Variants in ITGA8 observed in about 807,000 individuals in gnomAD.
ITGA8 encodes the protein integrin alpha-8.
ITGA8 carries 91 observed loss-of-function variants against 142.3 expected under a neutral mutation model. The observed-to-expected ratio is 0.64, with a 90% CI of 0.54 to 0.76. The LOEUF (loss-of-function observed/expected upper bound fraction) is 0.76, where lower values mean the gene tolerates loss of function less well. ITGA8 is among the 30% of genes least tolerant of loss of function. The pLI, the probability that ITGA8 is intolerant of heterozygous loss-of-function variation, is 0.00. For missense variants in ITGA8, 1,406 were observed against 1,327.7 expected (o/e 1.06, Z -0.92); for synonymous variants, 505 against 485.2 (o/e 1.04, Z -0.54).
At chr10:15,561,234 T>TAC (rs57728246) in intron 25 of ITGA8, among the ~76,000 whole-genome samples, 37 of 87,782 alleles carry the variant, frequency 4.2e-4, no homozygotes, top group African/African-American at 1.2e-3. Context: ...TATATATATA[T>TAC]GTATATATAT....
intron 13 of ITGA8, among the ~76,000 whole-genome samples, chr10:15,638,240 G>T (rs889591232): frequency 1.3e-5 from 2 of 152,104 alleles, no homozygotes; most frequent in African/African-American, 2.4e-5. Context: ...GGTTATTTGA[G>T]GTGCCGTGTT....
intron 13 of ITGA8, among the ~76,000 whole-genome samples, chr10:15,623,753 T>C (rs907764172): frequency 6.6e-6 from 1 of 152,146 alleles, no homozygotes; most frequent in Non-Finnish European, 1.5e-5. Context: ...TCATCCTTTT[T>C]AGTAAGCAGA....
chr10:15,697,385 C>T (rs923037494), intron 2 of ITGA8, among the ~76,000 whole-genome samples: 8 of 152,280 alleles, frequency 5.3e-5, no homozygotes, highest in Non-Finnish European at 8.8e-5. Context: ...ACAAACATTA[C>T]GGCACGTTTT....
In ITGA8 at chr10:15,517,091, T is replaced by G. The variant is rs1832975799; in HGVS notation, c.*67A>C. On this transcript the variant is annotated 3_prime_UTR_variant, in exon 30 of 30. Transcript: ENST00000378076. The stretch of plus-strand genomic sequence containing the variant: ...ATCAGAAAGCTTTGATTTTTAACCC[T>G]CATGTTCTTTCTTTTTCTTTGAACA... 2 of 1,199,858 alleles carry G rather than the reference T, an allele frequency of 1.7e-6. No individual in the cohort carries two copies. Among genetic ancestry groups the G allele is most frequent in the Admixed American group, 4.3e-5 (2 of 46,734 alleles). The allele number at this position is 1,199,858 out of a possible 1,614,324, so 74.3% of individuals were successfully genotyped here.
chr10:15,593,133 A>G (rs7080737), intron 21 of ITGA8, among the ~76,000 whole-genome samples: 9,266 of 152,250 alleles, frequency 0.061, 941 homozygotes, highest in African/African-American at 0.21. Context: ...ATAGGAAAAC[A>G]TTTCAGAATA....
intron 25 of ITGA8, among the ~76,000 whole-genome samples, chr10:15,560,529 T>C (rs1423920019): frequency 1.3e-5 from 2 of 152,328 alleles, no homozygotes; most frequent in South Asian, 2.1e-4. Flanking sequence ...GTAGCAACAC[T>C]ATTTATAATA....
At chr10:15,622,995 T>C (rs1450374976) in intron 13 of ITGA8, among the ~76,000 whole-genome samples, 5 of 152,172 alleles carry the variant, frequency 3.3e-5, no homozygotes, top group African/African-American at 1.2e-4. Flanking sequence ...TATAGGCTGT[T>C]TGAGGGAGTA....
At chr10:15,635,918 T>TAC (rs4030579) in intron 13 of ITGA8, among the ~76,000 whole-genome samples, 23,522 of 142,922 alleles carry the variant, frequency 0.16, 1,827 homozygotes, top group South Asian at 0.2. Flanking sequence ...TTGCTTATAC[T>TAC]ACACACACAC....
rs149416324 is a variant in ITGA8, at chr10:15,689,287, A to C, written c.344-1249T>G. On this transcript the variant is annotated intron_variant, in intron 2 of 29. Transcript: ENST00000378076. Reference sequence around the variant, plus strand: ...AAAAAGGACCAAAACAATAACAGACAACTACATTGCAACCAGACTAACTTA... The same window carrying C: ...AAAAAGGACCAAAACAATAACAGACCACTACATTGCAACCAGACTAACTTA... 9.1e-3 allele frequency among the ~76,000 whole-genome samples: 1,385 copies of C among 152,310 alleles called. 20 individuals carry two copies. Among genetic ancestry groups the C allele is most frequent in the Middle Eastern group, 0.02 (6 of 294 alleles).
chr10:15,658,928 A>G, intron 10 of ITGA8, 71 bp downstream of exon 10: 1 of 1,007,208 alleles, frequency 9.9e-7, no homozygotes, highest in Non-Finnish European at 1.5e-6. Flanking sequence ...TGGATGAATA[A>G]CTGATATGAA....
In ITGA8 at chr10:15,639,975, C is replaced by T. The variant is rs72779986; in HGVS notation, c.1399+4055G>A. Among the ~76,000 whole-genome samples the T allele has an allele frequency of 8.4e-3, 1,281 of 152,242 alleles. 12 individuals are homozygous for T. The highest frequency in any genetic ancestry group is 0.015 in the Non-Finnish European group (1,003 of 68,016). On this transcript the variant is annotated intron_variant, in intron 13 of 29. Coordinates refer to ENST00000378076, the MANE Select transcript of ITGA8 (RefSeq NM_003638.3). The stretch of plus-strand genomic sequence containing the variant: ...TCTGTGTTGTGCAAACCCTTATCAA[C>T]TCCATTGGGGATGGCAGCATGTTCA...
intron 13 of ITGA8, among the ~76,000 whole-genome samples, chr10:15,635,215 C>T (rs564630209): frequency 1.6e-4 from 24 of 151,914 alleles, no homozygotes; most frequent in Non-Finnish European, 3.1e-4. Context: ...CCATGTTGGC[C>T]AGGATGGTCT....
intron 6 of ITGA8, among the ~76,000 whole-genome samples, chr10:15,677,039 C>G (rs1223765783): frequency 6.6e-6 from 1 of 151,982 alleles, no homozygotes; most frequent in Non-Finnish European, 1.5e-5. Flanking sequence ...AATGAGAGTA[C>G]AAATCGAAAT....
At chr10:15,539,091 A>G (rs1273955070) in intron 27 of ITGA8, among the ~76,000 whole-genome samples, 3 of 151,946 alleles carry the variant, frequency 2.0e-5, no homozygotes, top group Non-Finnish European at 4.4e-5. Flanking sequence ...GATATTTTGC[A>G]AAGCTGCTTT....
In ITGA8 at chr10:15,517,211, C is replaced by A; in HGVS notation, c.3139G>T (p.Glu1047Ter). Residue 1047 changes from glutamate (E) to a stop codon, truncating the protein, a stop_gained, in exon 30 of 30, where the codon GAG becomes TAG. Coordinates refer to ENST00000378076, the MANE Select transcript of ITGA8 (RefSeq NM_003638.3). LOFTEE classifies it high-confidence loss of function. ...AGCTGTTCCCTGTCGGTCATGTCCT[C>A]CTGAGGAGGTCTGGCTCTGTCAAAG... ...GFFDRARPPQ[E>*]DMTDREQLTN... 1 of 1,613,350 alleles carries A rather than the reference C, an allele frequency of 6.2e-7. No individual in the cohort carries two copies. Among genetic ancestry groups the A allele is most frequent in the South Asian group, 1.1e-5 (1 of 91,036 alleles).
chr10:15,522,337 T>C (rs543955804), intron 28 of ITGA8, among the ~76,000 whole-genome samples: 48 of 152,344 alleles, frequency 3.2e-4, no homozygotes, highest in Admixed American at 2.9e-3. Context: ...CCTGATGACA[T>C]GTATGAAATT....
At chr10:15,645,917 A>C (rs1179274403) in intron 12 of ITGA8, among the ~76,000 whole-genome samples, 1 of 152,230 alleles carries the variant, frequency 6.6e-6, no homozygotes, top group Admixed American at 6.5e-5. Context: ...CGAGTTTAAC[A>C]CTACTTTGTT....
At chr10:15,632,869 G>C (rs1261752253) in intron 13 of ITGA8, among the ~76,000 whole-genome samples, 1 of 151,260 alleles carries the variant, frequency 6.6e-6, no homozygotes, top group Non-Finnish European at 1.5e-5. Context: ...GCTGTCTTAT[G>C]AAGGATGGGA....
At chr10:15,674,560 A>G (rs1209400138) in intron 6 of ITGA8, among the ~76,000 whole-genome samples, 3 of 152,236 alleles carry the variant, frequency 2.0e-5, no homozygotes, top group Non-Finnish European at 4.4e-5. Flanking sequence ...GTAGTTTTTA[A>G]ATACCAAAAT....
Sources: gnomAD v4.1 joint callset for allele counts (sites outside exome capture counted in the v4.1 genomes callset) on GRCh38, gnomAD v4.1.1 for gene constraint, MANE v1.5 for transcripts, NCBI Gene and HGNC (gene_info 2026-07-23, HGNC 2026-07-21) for gene names.